The following LRFN2 variants were observed in gnomAD, a reference collection of about 807,000 sequenced individuals.
LRFN2 encodes the protein leucine rich repeat and fibronectin type III domain containing 2.
In LRFN2, 18 loss-of-function variants were observed where a neutral mutation model predicts 37.3. The ratio of observed to expected loss-of-function variants is 0.48; its 90% CI spans 0.33 to 0.72. LRFN2 has a LOEUF of 0.72. Ranked by LOEUF, LRFN2 falls within the 30% of genes least tolerant of loss-of-function variation. LRFN2 has a pLI of 0.02. For missense variants in LRFN2, 1,006 were observed against 1,060.7 expected (o/e 0.95, Z 0.72); for synonymous variants, 556 against 466.6 (o/e 1.19, Z -2.47).
intron 2 of LRFN2, among the ~76,000 whole-genome samples, chr6:40,398,835 A>G (rs1762667912): frequency 6.6e-6 from 1 of 151,794 alleles, no homozygotes; most frequent in Non-Finnish European, 1.5e-5. Flanking sequence ...TTATTTTGGC[A>G]TTGTTCATTC....
intron 2 of LRFN2, among the ~76,000 whole-genome samples, chr6:40,414,279 T>C (rs746652): frequency 0.086 from 13,112 of 152,264 alleles, 776 homozygotes; most frequent in Non-Finnish European, 0.13. Context: ...CTGAGCACTA[T>C]TGAGGCCTCA....
intron 1 of LRFN2, among the ~76,000 whole-genome samples, chr6:40,437,772 T>G (rs1420910883): frequency 2.0e-5 from 3 of 152,308 alleles, no homozygotes; most frequent in African/African-American, 4.8e-5. Context: ...CTCTCTCTTT[T>G]GGGCAAGAAT....
chr6:40,410,405 C>A (rs1762942060), intron 2 of LRFN2, among the ~76,000 whole-genome samples: 1 of 152,134 alleles, frequency 6.6e-6, no homozygotes, highest in African/African-American at 2.4e-5. Flanking sequence ...ACGTCCCTGA[C>A]CCCGAAAGCA....
chr6:40,399,975 C>A (rs1184810037), intron 2 of LRFN2, among the ~76,000 whole-genome samples: 2 of 151,872 alleles, frequency 1.3e-5, no homozygotes, highest in Non-Finnish European at 1.5e-5. Context: ...ATCACTCCCC[C>A]AGTAAGCCAA....
chr6:40,397,601 G>A (rs1043162375), intron 2 of LRFN2, among the ~76,000 whole-genome samples: 4 of 152,162 alleles, frequency 2.6e-5, no homozygotes, highest in Admixed American at 6.5e-5. Context: ...AGCCTCTGAC[G>A]CTGCCCACAT....
chr6:40,435,052 T>TATATAGAGAG (rs1482968698), intron 1 of LRFN2, among the ~76,000 whole-genome samples: 61 of 37,522 alleles, frequency 1.6e-3, no homozygotes, highest in East Asian at 3.5e-3. Flanking sequence ...TATATATATA[T>TATATAGAGAG]AGAGAGAGAG....
At chr6:40,513,935 C>T (rs1456051792) in intron 1 of LRFN2, among the ~76,000 whole-genome samples, 5 of 151,776 alleles carry the variant, frequency 3.3e-5, no homozygotes, top group African/African-American at 1.2e-4. Flanking sequence ...CTGGGTGACC[C>T]TGGAGAGCTA....
At chr6:40,453,145 A>G (rs957563575) in intron 1 of LRFN2, among the ~76,000 whole-genome samples, 4 of 152,206 alleles carry the variant, frequency 2.6e-5, no homozygotes, top group African/African-American at 7.2e-5. Context: ...CTCTCCAAGA[A>G]GAAACATAAA....
chr6:40,477,489 G>A (rs188356379), intron 1 of LRFN2, among the ~76,000 whole-genome samples: 5 of 152,330 alleles, frequency 3.3e-5, no homozygotes, highest in African/African-American at 1.2e-4. Flanking sequence ...CCAGTGGATG[G>A]CCACAGTGAG....
chr6:40,429,718 CA>C (rs1286593143), intron 2 of LRFN2, among the ~76,000 whole-genome samples: 2 of 152,090 alleles, frequency 1.3e-5, no homozygotes, highest in Non-Finnish European at 1.5e-5. Flanking sequence ...TGAAGTTGCA[CA>C]AATATATTTA....
intron 1 of LRFN2, among the ~76,000 whole-genome samples, chr6:40,435,817 A>T (rs539928102): frequency 2.8e-4 from 43 of 152,222 alleles, no homozygotes; most frequent in Admixed American, 2.0e-3. Context: ...TATTTTTTTT[A>T]AAAAAGATAC....
intron 2 of LRFN2, among the ~76,000 whole-genome samples, chr6:40,425,283 A>G (rs1227658214): frequency 2.0e-5 from 3 of 152,174 alleles, no homozygotes; most frequent in Admixed American, 1.3e-4. Context: ...GGGCAGCATA[A>G]CAAGCAACAC....
intron 1 of LRFN2, among the ~76,000 whole-genome samples, chr6:40,462,579 C>A (rs147931206): frequency 6.6e-6 from 1 of 152,288 alleles, no homozygotes; most frequent in East Asian, 1.9e-4. Flanking sequence ...TTATTCAGTC[C>A]TTGTAAAGCA....
At chr6:40,465,238 G>A (rs906398254) in intron 1 of LRFN2, among the ~76,000 whole-genome samples, 1 of 152,148 alleles carries the variant, frequency 6.6e-6, no homozygotes, top group African/African-American at 2.4e-5. Flanking sequence ...CCCCTGAAAG[G>A]AATGTAGCTC....
At chr6:40,424,842 C>T (rs1255145759) in intron 2 of LRFN2, among the ~76,000 whole-genome samples, 1 of 152,216 alleles carries the variant, frequency 6.6e-6, no homozygotes, top group East Asian at 1.9e-4. Context: ...AACAGCTTCT[C>T]CCTTTAAGAA....
intron 1 of LRFN2, among the ~76,000 whole-genome samples, chr6:40,491,243 AAT>A: frequency 6.6e-6 from 1 of 152,092 alleles, no homozygotes. Flanking sequence ...TCCCCACCTC[AAT>A]GTCTTTCCTC....
At chr6:40,534,795 C>A (rs1468451616) in intron 1 of LRFN2, among the ~76,000 whole-genome samples, 5 of 152,180 alleles carry the variant, frequency 3.3e-5, no homozygotes, top group Non-Finnish European at 7.3e-5. Context: ...TGGTCTAGAA[C>A]AGGGGACCTC....
intron 1 of LRFN2, among the ~76,000 whole-genome samples, chr6:40,521,993 C>T (rs1766087785): frequency 6.6e-6 from 1 of 152,190 alleles, no homozygotes; most frequent in African/African-American, 2.4e-5. Context: ...AGGATTAAGG[C>T]CATGCCTCCA....
At chr6:40,550,581 A>T (rs944132400) in intron 1 of LRFN2, among the ~76,000 whole-genome samples, 13 of 152,214 alleles carry the variant, frequency 8.5e-5, no homozygotes, top group African/African-American at 3.1e-4. Context: ...CAAAGAAAGC[A>T]TGCACTGCCA....
Sources: gnomAD v4.1 joint callset for allele counts (sites outside exome capture counted in the v4.1 genomes callset) on GRCh38, gnomAD v4.1.1 for gene constraint, MANE v1.5 for transcripts, NCBI Gene and HGNC (gene_info 2026-07-23, HGNC 2026-07-21) for gene names.